The following CFAP46 variants were observed in gnomAD, a reference collection of about 807,000 sequenced individuals.
CFAP46 encodes the protein cilia and flagella associated protein 46, also known as cilia- and flagella-associated protein 46.
Under a neutral mutation model 325.7 loss-of-function variants are expected in CFAP46, and 245 were observed. The observed-to-expected ratio is 0.75, with a 90% CI of 0.68 to 0.84. CFAP46 has a LOEUF of 0.84. Among genes scored for constraint, CFAP46 ranks in the 40% least tolerant of loss-of-function variants. CFAP46 has a pLI of 0.00. For missense variants in CFAP46, 3,346 were observed against 3,543.0 expected (o/e 0.94, Z 1.41); for synonymous variants, 1,523 against 1,495.9 (o/e 1.02, Z -0.42).
At position 132,919,225 on chromosome 10, in the gene CFAP46, T is replaced by G; in HGVS notation, c.1858+90A>C. ...TACGCTTTCTCATGCGAAGGCCCCA[T>G]GGGTTGTCATTGCACGAACCACAAC... On this transcript the variant is annotated intron_variant, in intron 15 of 57. Coordinates refer to ENST00000368586, the MANE Select transcript of CFAP46 (RefSeq NM_001200049.3). The surrounding 1 kb of genome is among the most constrained non-coding windows in gnomAD (Gnocchi z 9.7). The G allele has an allele frequency of 7.3e-7, 1 of 1,366,698 alleles. No homozygotes were observed. The highest frequency in any genetic ancestry group is 1.4e-5 in the South Asian group (1 of 68,980). The allele number at this position is 1,366,698 out of a possible 1,614,324, so 84.7% of individuals were successfully genotyped here.
rs539461769 is a variant in CFAP46 at position 132,919,775 on chromosome 10, T to C, written c.1730+284A>G. On this transcript the variant is annotated intron_variant, in intron 14 of 57. Transcript: ENST00000368586. The surrounding 1 kb of genome is among the most constrained non-coding windows in gnomAD (Gnocchi z 9.7). Reference sequence around the variant, plus strand: ...GCAGGGTCGGTACCAAAAATCAGCCTGCTCTGGTCACAGGCGCTGCGTGTC... The same window carrying C: ...GCAGGGTCGGTACCAAAAATCAGCCCGCTCTGGTCACAGGCGCTGCGTGTC... Among the ~76,000 whole-genome samples the C allele has an allele frequency of 7.2e-5, 11 of 152,130 alleles. No homozygotes were observed. Among genetic ancestry groups the C allele is most frequent in the African/African-American group, 2.4e-4 (10 of 41,514 alleles).
intron 50 of CFAP46, among the ~76,000 whole-genome samples, chr10:132,820,469 G>A (rs1847772454): frequency 6.7e-6 from 1 of 150,350 alleles, no homozygotes; most frequent in Non-Finnish European, 1.5e-5. Context: ...GCACTGATGT[G>A]TGCTGTGAGT....
intron 50 of CFAP46, among the ~76,000 whole-genome samples, chr10:132,818,344 C>CA (rs1235703672): frequency 6.6e-6 from 1 of 151,814 alleles, no homozygotes; most frequent in Non-Finnish European, 1.5e-5. Context: ...AGGTGGAACA[C>CA]AAAAAAAGAT....
intron 4 of CFAP46, 46 bp from the exon 5 acceptor site, chr10:132,938,799 C>A (rs766605943): frequency 1.3e-6 from 2 of 1,579,496 alleles, no homozygotes; most frequent in Non-Finnish European, 8.6e-7. Context: ...AAAGCCCAGC[C>A]GGCCCAAGCT....
chr10:132,813,525 C>T (rs1381477048), intron 54 of CFAP46, among the ~76,000 whole-genome samples: 1 of 137,396 alleles, frequency 7.3e-6, no homozygotes, highest in African/African-American at 2.8e-5. Context: ...ACACACCTGC[C>T]CCTGCAGCCC....
chr10:132,871,982 C>A (rs1253630169), intron 32 of CFAP46, among the ~76,000 whole-genome samples: 2 of 152,122 alleles, frequency 1.3e-5, no homozygotes, highest in Non-Finnish European at 2.9e-5. Context: ...AATTGCCAGC[C>A]TTTTTAGCAT....
chr10:132,916,450 G>A lies in CFAP46; in HGVS notation c.2120+99C>T, dbSNP rs903012662. ...CCACGCAAGAAGCCGGTGTCCTTACGAATGCAAAGGGTGTCCCTCCCCACG... is the reference window on the plus strand; with the variant it reads ...CCACGCAAGAAGCCGGTGTCCTTACAAATGCAAAGGGTGTCCCTCCCCACG... On this transcript the variant is annotated intron_variant, in intron 17 of 57. Transcript: ENST00000368586. The A allele has an allele frequency of 1.4e-5, 18 of 1,322,202 alleles. No individual in the cohort carries two copies. The Admixed American group carries it at 1.5e-4, about 11-fold the overall frequency. 81.9% of individuals were successfully genotyped at this position (1,322,202 alleles called of 1,614,324 possible). A position where few individuals can be genotyped will look rare whatever the true frequency, so the allele number is the denominator to read the frequency against.
chr10:132,874,007 C>T (rs1259993417), intron 31 of CFAP46, among the ~76,000 whole-genome samples: 1 of 152,088 alleles, frequency 6.6e-6, no homozygotes, highest in Admixed American at 6.5e-5. Flanking sequence ...AAAATTTTCC[C>T]AAACAGAAGC....
intron 50 of CFAP46, among the ~76,000 whole-genome samples, chr10:132,823,363 T>C (rs1847934607): frequency 8.3e-6 from 1 of 120,606 alleles, no homozygotes; most frequent in Non-Finnish European, 1.7e-5. Context: ...TGAGTGCTGA[T>C]GTGTGCTGTG....
intron 8 of CFAP46, among the ~76,000 whole-genome samples, chr10:132,930,993 C>G (rs1201704866): frequency 7.7e-6 from 1 of 129,562 alleles, no homozygotes; most frequent in Non-Finnish European, 1.6e-5. Flanking sequence ...ACTCCCCACA[C>G]AGAGCCTGGG....
chr10:132,852,376 T>G (rs375515017), intron 39 of CFAP46, among the ~76,000 whole-genome samples: 1 of 88,400 alleles, frequency 1.1e-5, no homozygotes. Context: ...CTCCATTTAC[T>G]TAAGAATTCT....
At chr10:132,922,022 G>A (rs1849731393) in intron 13 of CFAP46, 82 bp downstream of exon 13, 1 of 1,474,740 alleles carries the variant, frequency 6.8e-7, no homozygotes, top group African/African-American at 1.4e-5. Flanking sequence ...GGGAGCATGG[G>A]GACTGGGGAG....
At chr10:132,891,328 G>A (rs1349250823) in intron 25 of CFAP46, among the ~76,000 whole-genome samples, 2 of 152,180 alleles carry the variant, frequency 1.3e-5, no homozygotes, top group South Asian at 2.1e-4. Flanking sequence ...GGTCGGGGGT[G>A]GTAGGGGGCA....
At chr10:132,860,264 T>G (rs1219916485) in intron 37 of CFAP46, among the ~76,000 whole-genome samples, 153 bp downstream of exon 37, 1 of 152,200 alleles carries the variant, frequency 6.6e-6, no homozygotes, top group Non-Finnish European at 1.5e-5. Context: ...CTTCTGGAGC[T>G]TTCTGGAGCT....
At chr10:132,920,223 C>A in intron 13 of CFAP46, 41 bp from the exon 14 acceptor site, 1 of 1,501,122 alleles carries the variant, frequency 6.7e-7, no homozygotes. Context: ...CAGCTGCTGG[C>A]CAAGGGCCGG....
At chr10:132,846,566 G>C (rs868161897) in intron 43 of CFAP46, among the ~76,000 whole-genome samples, 2 of 148,700 alleles carry the variant, frequency 1.3e-5, no homozygotes, top group Admixed American at 1.3e-4. Flanking sequence ...GTGTCTGCCC[G>C]ATCCTCTGTG....
chr10:132,879,906 G>T (rs1849013440), intron 28 of CFAP46, among the ~76,000 whole-genome samples: 1 of 152,136 alleles, frequency 6.6e-6, no homozygotes, highest in African/African-American at 2.4e-5. Context: ...CTGCTGCCCT[G>T]TGTGTCCTGG....
chr10:132,876,704 T>C lies in CFAP46; in HGVS notation c.4362+108A>G, dbSNP rs1278929921. 1 of 1,199,928 alleles carries C rather than the reference T, an allele frequency of 8.3e-7. No individual in the cohort carries two copies. 74.3% of individuals were successfully genotyped at this position (1,199,928 alleles called of 1,614,324 possible). On this transcript the variant is annotated intron_variant, in intron 31 of 57. Transcript: ENST00000368586. The surrounding 1 kb of genome is among the most constrained non-coding windows in gnomAD (Gnocchi z 4.1). ...TGGGGGCTGATGGGACTCTGTCCTG[T>C]CCTCCTTTTTCTGGCTACAGTTCAC...
At chr10:132,836,733 G>A (rs1268954399) in intron 45 of CFAP46, 84 bp downstream of exon 45, 1 of 1,162,202 alleles carries the variant, frequency 8.6e-7, no homozygotes, top group African/African-American at 1.5e-5. Flanking sequence ...GGGCTGAGGT[G>A]TGGGCAGCCC....
Sources: gnomAD v4.1 joint callset for allele counts (sites outside exome capture counted in the v4.1 genomes callset) on GRCh38, gnomAD v4.1.1 for gene constraint, Gnocchi (gnomAD v3.1) non-coding constraint, MANE v1.5 for transcripts, NCBI Gene and HGNC (gene_info 2026-07-23, HGNC 2026-07-21) for gene names.